Variants in MAX observed in about 807,000 individuals in gnomAD.
MAX encodes the protein protein max.
In MAX, 3 loss-of-function variants were observed where a neutral mutation model predicts 22.3. The observed-to-expected ratio is 0.13, with a 90% CI of 0.06 to 0.35. The LOEUF is 0.35. Ranked by LOEUF, MAX falls within the 10% of genes least tolerant of loss-of-function variation. The pLI is 1.00. For synonymous variants in MAX, 72 were observed against 77.7 expected (o/e 0.93, Z 0.39); for missense variants, 119 against 209.4 (o/e 0.57, Z 2.66).
Position 65,030,372 on chromosome 14 carries a change from A to T in MAX, c.172-24088T>A, listed in dbSNP as rs906335806. 9.2e-5 allele frequency among the ~76,000 whole-genome samples: 14 copies of T among 152,186 alleles called. No individual in the cohort carries two copies. Among genetic ancestry groups the T allele is most frequent in the Non-Finnish European group, 1.8e-4 (12 of 68,046 alleles). Reference sequence around the variant, plus strand: ...AAAAATGCTGGTAGGATCATAATGCATGCAGCTTCTGCAGAGACTTCTTTG... The same window carrying T: ...AAAAATGCTGGTAGGATCATAATGCTTGCAGCTTCTGCAGAGACTTCTTTG... On this transcript the variant is annotated intron_variant, in intron 3 of 3. Coordinates refer to the MAX transcript ENST00000341653. This position sits in a 1 kb window ranked among gnomAD's most constrained non-coding sequence, Gnocchi z 4.5.
Position 65,099,559 on chromosome 14 carries a change from CA to C in MAX, c.63+1986del, listed in dbSNP as rs750934726. 5.5e-5 allele frequency among the ~76,000 whole-genome samples: 8 copies of C among 146,718 alleles called. No individual in the cohort carries two copies. In the South Asian group the frequency reaches 6.4e-4, roughly 12 times the overall value. On this transcript the variant is annotated intron_variant, in intron 2 of 4. Transcript: ENST00000358664. ...AAAAACAAACAAACAAACAAACAAA[CA>C]AAAAAAACACAACTTTCTCTTACTG...
At chr14:65,053,174 G>C in intron 3 of MAX, 1 of 1,242,982 alleles carries the variant, frequency 8.0e-7, no homozygotes, top group Non-Finnish European at 1.0e-6. Flanking sequence ...TGAGAAAGTG[G>C]AATTAGGTCA....
At chr14:65,033,189 T>C (rs1419814948) in intron 3 of MAX, among the ~76,000 whole-genome samples, 2 of 152,128 alleles carry the variant, frequency 1.3e-5, no homozygotes, top group Admixed American at 6.5e-5. Context: ...TAGAGTTACA[T>C]GTATCAATAT....
intron 3 of MAX, among the ~76,000 whole-genome samples, chr14:65,067,793 ATTTTTTTTTT>A (rs59262877): frequency 1.6e-5 from 2 of 123,166 alleles, no homozygotes; most frequent in Non-Finnish European, 3.5e-5. Context: ...AGCTAATTAC[ATTTTTTTTTT>A]TTTTTTTTTG....
At position 65,041,019 on chromosome 14, in the gene MAX, G is replaced by A. The variant is rs535048472; in HGVS notation, c.172-34735C>T. On this transcript the variant is annotated intron_variant, in intron 3 of 3. Coordinates refer to the MAX transcript ENST00000341653. ...TCAGGAGAGTTTGGCTATGGGAAGGGCTAAGAGAGTTAGCTCTGTTCCAAC... is the reference window on the plus strand; with the variant it reads ...TCAGGAGAGTTTGGCTATGGGAAGGACTAAGAGAGTTAGCTCTGTTCCAAC... 3.4e-5 allele frequency: 52 copies of A among 1,531,180 alleles called. No individual in the cohort carries two copies. In the East Asian group the frequency reaches 1.2e-3, roughly 34 times the overall value. 94.8% of individuals were successfully genotyped at this position (1,531,180 alleles called of 1,614,324 possible). A position where few individuals can be genotyped will look rare whatever the true frequency, so the allele number is the denominator to read the frequency against.
In MAX at chr14:65,075,534, G is replaced by A. The variant is rs886050630; in HGVS notation, c.*942C>T. On this transcript the variant is annotated 3_prime_UTR_variant, in exon 5 of 5. Coordinates refer to ENST00000358664, the MANE Select transcript of MAX (RefSeq NM_002382.5). The surrounding 1 kb of genome is among the most constrained non-coding windows in gnomAD (Gnocchi z 4.1). Reference sequence around the variant, plus strand: ...GGCTCTATTTCTTAGAAATACACACGGGAAGAAAGAAAGATTTCATCATTA... The same window carrying A: ...GGCTCTATTTCTTAGAAATACACACAGGAAGAAAGAAAGATTTCATCATTA... 7.8e-5 allele frequency: 83 copies of A among 1,065,208 alleles called. No individual in the cohort carries two copies. The East Asian group carries it at 3.1e-3, about 40-fold the overall frequency. 66.0% of individuals were successfully genotyped at this position (1,065,208 alleles called of 1,614,324 possible). A position where few individuals can be genotyped will look rare whatever the true frequency, so the allele number is the denominator to read the frequency against.
chr14:65,058,770 T>C (rs1444512418), intron 3 of MAX, among the ~76,000 whole-genome samples: 1 of 152,238 alleles, frequency 6.6e-6, no homozygotes, highest in Admixed American at 6.5e-5. Flanking sequence ...TTAAGCCTTA[T>C]ATTCCCAGGA....
In MAX at chr14:65,047,425, T is replaced by C. The variant is rs2062509229; in HGVS notation, c.172-41141A>G. Reference sequence around the variant, plus strand: ...AGGTGGCCATTAATCCAACGAAAAATTGTTTAGCTCACTTGTAGTAAAAGA... The same window carrying C: ...AGGTGGCCATTAATCCAACGAAAAACTGTTTAGCTCACTTGTAGTAAAAGA... On this transcript the variant is annotated intron_variant, in intron 3 of 3. Transcript: ENST00000341653. The surrounding 1 kb of genome is among the most constrained non-coding windows in gnomAD (Gnocchi z 5.2). Among the ~76,000 whole-genome samples the C allele has an allele frequency of 6.6e-6, 1 of 152,166 alleles. No homozygotes were observed. Among genetic ancestry groups the C allele is most frequent in the African/African-American group, 2.4e-5 (1 of 41,434 alleles).
rs1172161603 is a variant in MAX at position 65,054,460 on chromosome 14, A to G, written c.171+39248T>C. 3.8e-6 allele frequency: 4 copies of G among 1,064,470 alleles called. No homozygotes were observed. The East Asian group carries it at 1.0e-4, about 28-fold the overall frequency. The allele number at this position is 1,064,470 out of a possible 1,614,324, so 65.9% of individuals were successfully genotyped here. A position where few individuals can be genotyped will look rare whatever the true frequency, so the allele number is the denominator to read the frequency against. On this transcript the variant is annotated intron_variant, in intron 3 of 3. Coordinates refer to the MAX transcript ENST00000341653. This position sits in a 1 kb window ranked among gnomAD's most constrained non-coding sequence, Gnocchi z 4.4. ...GGAAAACCATGCCTCCTCTAGCCAC[A>G]TGGAGGATGGGGGGGGACGTGTGAT...
chr14:65,093,788 G>T lies in MAX; in HGVS notation c.91C>A (p.Leu31Met). Residue 31 changes from leucine to methionine, a missense_variant, in exon 3 of 5, where the codon CTG becomes ATG. Coordinates refer to ENST00000358664, the MANE Select transcript of MAX (RefSeq NM_002382.5). This position sits in a 1 kb window ranked among gnomAD's most constrained non-coding sequence, Gnocchi z 4.4. Reference sequence around the variant, plus strand: ...ATGTGGTCCCTACGTTTTCGTTCCAGTGCATTATGATGAGCCCGTTTGTCA... The same window carrying T: ...ATGTGGTCCCTACGTTTTCGTTCCATTGCATTATGATGAGCCCGTTTGTCA... Reference protein sequence around the residue: ...AADKRAHHNALERKRRDHIKD... With the variant: ...AADKRAHHNAMERKRRDHIKD... 6.2e-7 allele frequency: 1 copy of T among 1,608,150 alleles called. No homozygotes were observed.
At chr14:65,072,325 C>T (rs1432166971), downstream of MAX, among the ~76,000 whole-genome samples, 1 of 152,182 alleles carries the variant, frequency 6.6e-6, no homozygotes, top group East Asian at 1.9e-4. Flanking sequence ...TCTTCCTTCT[C>T]AAGTTTAAAA....
At chr14:65,068,708 T>C (rs2062956738) in intron 3 of MAX, among the ~76,000 whole-genome samples, 1 of 152,100 alleles carries the variant, frequency 6.6e-6, no homozygotes, top group African/African-American at 2.4e-5. Flanking sequence ...CTTTCAATAA[T>C]AGTGCATTTT....
At position 65,054,120 on chromosome 14, in the gene MAX, T is replaced by G. The variant is rs1329546748; in HGVS notation, c.171+39588A>C. Among the ~76,000 whole-genome samples, 1 of 151,836 alleles carries G rather than the reference T, an allele frequency of 6.6e-6. No individual in the cohort carries two copies. The highest frequency in any genetic ancestry group is 1.5e-5 in the Non-Finnish European group (1 of 67,978). ...GGATGGGGCTTTTATTTTATTGTAT[T>G]TTACTTTTTTGAGACAGGGTCTCAC... On this transcript the variant is annotated intron_variant, in intron 3 of 3. Transcript: ENST00000341653. This position sits in a 1 kb window ranked among gnomAD's most constrained non-coding sequence, Gnocchi z 4.4.
intron 3 of MAX, among the ~76,000 whole-genome samples, chr14:65,068,562 A>C (rs1057045574): frequency 6.6e-5 from 10 of 151,804 alleles, no homozygotes; most frequent in Non-Finnish European, 4.4e-5. Context: ...TTCACTATGG[A>C]CTCGTTTATT....
intron 3 of MAX, among the ~76,000 whole-genome samples, chr14:65,080,965 G>A (rs1277420026): frequency 6.6e-6 from 1 of 152,218 alleles, no homozygotes; most frequent in Non-Finnish European, 1.5e-5. Context: ...AGCAAAACAA[G>A]CCAGAAGAGA....
chr14:65,092,168 T>C (rs1312460296), intron 3 of MAX, among the ~76,000 whole-genome samples: 1 of 152,206 alleles, frequency 6.6e-6, no homozygotes, highest in Admixed American at 6.5e-5. Flanking sequence ...TCCCAATGTA[T>C]TCAAACTTAA....
intron 2 of MAX, among the ~76,000 whole-genome samples, chr14:65,099,705 A>G (rs1352317223): frequency 2.6e-5 from 4 of 152,208 alleles, no homozygotes; most frequent in Non-Finnish European, 5.9e-5. Flanking sequence ...TGCAGGGAAA[A>G]AAAAAGTTTT....
At chr14:65,026,919 C>A (rs1384177158) in intron 3 of MAX, among the ~76,000 whole-genome samples, 3 of 151,852 alleles carry the variant, frequency 2.0e-5, no homozygotes, top group Non-Finnish European at 4.4e-5. Context: ...AAATCAGTGG[C>A]CCACAGAGGC....
intron 3 of MAX, among the ~76,000 whole-genome samples, chr14:65,039,639 A>T (rs1020233620): frequency 3.3e-5 from 5 of 152,018 alleles, no homozygotes; most frequent in Non-Finnish European, 2.9e-5. Flanking sequence ...CTACTAAGTC[A>T]GTTATTTCTT....
Sources: allele counts gnomAD v4.1 joint callset (sites outside exome capture counted in the v4.1 genomes callset), GRCh38; gene constraint gnomAD v4.1.1; non-coding constraint Gnocchi (gnomAD v3.1); transcripts MANE v1.5; gene names NCBI Gene and HGNC (gene_info 2026-07-23, HGNC 2026-07-21).